Variants in GPC6 observed in about 807,000 individuals in gnomAD.
GPC6 encodes glypican 6, also known as glypican-6.
In GPC6, 14 loss-of-function variants were observed where a neutral mutation model predicts 55.2. The ratio of observed to expected loss-of-function variants is 0.25; its 90% CI spans 0.17 to 0.40. The LOEUF is 0.40. GPC6 is among the 10% of genes least tolerant of loss of function. GPC6 has a pLI of 1.00. For missense variants in GPC6, 641 were observed against 708.5 expected (o/e 0.90, Z 1.08); for synonymous variants, 278 against 259.6 (o/e 1.07, Z -0.68).
chr13:93,782,688 G>T (rs1266638006), intron 2 of GPC6, among the ~76,000 whole-genome samples: 1 of 152,042 alleles, frequency 6.6e-6, no homozygotes, highest in Admixed American at 6.6e-5. Flanking sequence ...GTGATGTTGA[G>T]CACTTTTACA....
At chr13:94,384,616 G>A (rs1222224926) in intron 7 of GPC6, among the ~76,000 whole-genome samples, 6 of 152,204 alleles carry the variant, frequency 3.9e-5, no homozygotes, top group African/African-American at 1.2e-4. Flanking sequence ...TATGAATGGG[G>A]AATATAAAGA....
intron 2 of GPC6, among the ~76,000 whole-genome samples, chr13:93,815,200 T>A (rs1396718911): frequency 6.6e-6 from 1 of 152,160 alleles, no homozygotes; most frequent in African/African-American, 2.4e-5. Flanking sequence ...TATCACTATA[T>A]AACATACAAC....
chr13:93,766,134 G>T (rs1374395228), intron 2 of GPC6, among the ~76,000 whole-genome samples: 2 of 152,154 alleles, frequency 1.3e-5, no homozygotes, highest in Non-Finnish European at 2.9e-5. Context: ...AATCAGTACA[G>T]ATTTCTGTTC....
intron 2 of GPC6, among the ~76,000 whole-genome samples, chr13:93,728,242 G>A (rs1174101984): frequency 1.2e-4 from 18 of 151,132 alleles, no homozygotes; most frequent in Admixed American, 1.2e-3. Context: ...TTTGAGACAG[G>A]GTCTTTCTCT....
chr13:93,945,856 G>C (rs1450318714), intron 3 of GPC6, among the ~76,000 whole-genome samples: 2 of 152,080 alleles, frequency 1.3e-5, no homozygotes, highest in Non-Finnish European at 2.9e-5. Flanking sequence ...TGATATTTTT[G>C]TTTTTGTTAA....
At chr13:94,148,107 T>G (rs1348546653) in intron 4 of GPC6, among the ~76,000 whole-genome samples, 1 of 152,210 alleles carries the variant, frequency 6.6e-6, no homozygotes, top group Non-Finnish European at 1.5e-5. Context: ...AGGAGATTAG[T>G]GGTCCTTACC....
At chr13:94,064,371 C>T (rs1884443293) in intron 4 of GPC6, among the ~76,000 whole-genome samples, 1 of 152,132 alleles carries the variant, frequency 6.6e-6, no homozygotes, top group Non-Finnish European at 1.5e-5. Flanking sequence ...ATTTTCATTT[C>T]AACACACTTG....
intron 1 of GPC6, among the ~76,000 whole-genome samples, chr13:93,296,133 A>C (rs1219168818): frequency 4.6e-5 from 7 of 152,152 alleles, no homozygotes; most frequent in African/African-American, 1.7e-4. Context: ...AGCCTGTAGC[A>C]CTTCTCTTTC....
At chr13:94,132,942 C>A (rs1041887965) in intron 4 of GPC6, among the ~76,000 whole-genome samples, 1 of 152,012 alleles carries the variant, frequency 6.6e-6, no homozygotes, top group Non-Finnish European at 1.5e-5. Flanking sequence ...AATTATAAGG[C>A]TCCAGATATA....
At chr13:94,180,352 T>C (rs1448516097) in intron 4 of GPC6, among the ~76,000 whole-genome samples, 1 of 152,204 alleles carries the variant, frequency 6.6e-6, no homozygotes, top group Non-Finnish European at 1.5e-5. Flanking sequence ...CTCTTCTGAA[T>C]TGATAAACAG....
chr13:93,657,879 A>G (rs1880751891), intron 2 of GPC6, among the ~76,000 whole-genome samples: 1 of 152,086 alleles, frequency 6.6e-6, no homozygotes, highest in Non-Finnish European at 1.5e-5. Context: ...TCATTAGAGA[A>G]ATGCAAATCA....
rs144992402 is a variant in GPC6 at position 93,954,891 on chromosome 13, C to T, written c.712-72838C>T. On this transcript the variant is annotated intron_variant, in intron 3 of 8. Coordinates refer to ENST00000377047, the MANE Select transcript of GPC6 (RefSeq NM_005708.5). ...GGCCATCTCCTTTAATATCCACCAC[C>T]TTCTAGCATAGTGGGAACAAAGAGA... Among the ~76,000 whole-genome samples the T allele has an allele frequency of 2.3e-3, 353 of 152,284 alleles. 1 individual carries two copies. The highest frequency in any genetic ancestry group is 8.0e-3 in the African/African-American group (332 of 41,576).
chr13:94,343,974 T>C (rs1002922013), intron 6 of GPC6, among the ~76,000 whole-genome samples: 1 of 152,098 alleles, frequency 6.6e-6, no homozygotes, highest in Non-Finnish European at 1.5e-5. Flanking sequence ...CAAGTGAGCC[T>C]CCCGCCTCAG....
chr13:94,243,567 C>A (rs1173839863), intron 4 of GPC6, among the ~76,000 whole-genome samples: 1 of 152,076 alleles, frequency 6.6e-6, no homozygotes. Flanking sequence ...TACTCCTGAG[C>A]TTTCACTACC....
intron 5 of GPC6, among the ~76,000 whole-genome samples, chr13:94,288,478 G>A (rs1035439286): frequency 1.3e-5 from 2 of 151,584 alleles, no homozygotes; most frequent in South Asian, 2.1e-4. Context: ...TTTGTACTTA[G>A]AATGGAATAA....
intron 2 of GPC6, among the ~76,000 whole-genome samples, chr13:93,823,485 C>A (rs1887126443): frequency 6.6e-6 from 1 of 151,998 alleles, no homozygotes; most frequent in Non-Finnish European, 1.5e-5. Context: ...GATTGCCTTG[C>A]AAGTAAGTAA....
At chr13:93,651,513 C>T (rs930999581) in intron 2 of GPC6, among the ~76,000 whole-genome samples, 4 of 152,088 alleles carry the variant, frequency 2.6e-5, no homozygotes, top group Non-Finnish European at 4.4e-5. Context: ...AGGTGTAAAT[C>T]CTGCCTGCAA....
chr13:93,327,432 A>T (rs1454131401), intron 1 of GPC6, among the ~76,000 whole-genome samples: 1 of 152,080 alleles, frequency 6.6e-6, no homozygotes. Flanking sequence ...TTCCTTTTAC[A>T]CTTGTTCATT....
chr13:93,803,432 A>T (rs115171002), intron 2 of GPC6, among the ~76,000 whole-genome samples: 28 of 152,300 alleles, frequency 1.8e-4, no homozygotes, highest in African/African-American at 6.7e-4. Flanking sequence ...AAGACATGAC[A>T]ACAAGTATTG....
Sources: gnomAD v4.1 joint callset for allele counts (sites outside exome capture counted in the v4.1 genomes callset) on GRCh38, gnomAD v4.1.1 for gene constraint, MANE v1.5 for transcripts, NCBI Gene and HGNC (gene_info 2026-07-23, HGNC 2026-07-21) for gene names.